Variants in NRP2 observed in about 807,000 individuals in gnomAD.
NRP2 encodes the protein neuropilin 2.
NRP2 carries 52 observed loss-of-function variants against 110.4 expected under a neutral mutation model. That is an observed-to-expected ratio of 0.47 (90% CI 0.38 to 0.59). The LOEUF is 0.59. Ranked by LOEUF, NRP2 falls within the 20% of genes least tolerant of loss-of-function variation. The pLI is 0.00. For synonymous variants in NRP2, 508 were observed against 468.9 expected (o/e 1.08, Z -1.08); for missense variants, 1,049 against 1,203.0 (o/e 0.87, Z 1.89).
chr2:205,796,165 CA>C lies in NRP2; in HGVS notation c.*1108del, dbSNP rs2058350163. The C allele has an allele frequency of 6.6e-6, 1 of 152,172 alleles. No homozygotes were observed. Among genetic ancestry groups the C allele is most frequent in the Admixed American group, 6.5e-5 (1 of 15,276 alleles). The allele number at this position is 152,172 out of a possible 1,614,324, so 9.4% of individuals were successfully genotyped here. A position where few individuals can be genotyped will look rare whatever the true frequency, so the allele number is the denominator to read the frequency against. On this transcript the variant is annotated 3_prime_UTR_variant, in exon 17 of 17. Coordinates refer to ENST00000357785, the MANE Select transcript of NRP2 (RefSeq NM_003872.3). ...GAAAGAGAAGCCCAACCTCTGTGATCATATGAGGGCCAAGGCTGAGCAGTGT... is the reference window on the plus strand; with the variant it reads ...GAAAGAGAAGCCCAACCTCTGTGATCTATGAGGGCCAAGGCTGAGCAGTGT...
At chr2:205,704,306 G>C (rs1042731663) in intron 2 of NRP2, among the ~76,000 whole-genome samples, 22 of 152,220 alleles carry the variant, frequency 1.4e-4, no homozygotes, top group African/African-American at 5.3e-4. Flanking sequence ...ACAAAGCATA[G>C]TGAGAATTCT....
chr2:205,683,489 G>C (rs955632043), intron 1 of NRP2, 126 bp downstream of exon 1: 31 of 735,748 alleles, frequency 4.2e-5, no homozygotes, highest in Admixed American at 6.3e-5. Flanking sequence ...AATTTAAAGA[G>C]AGATCCCAGC....
intron 10 of NRP2, among the ~76,000 whole-genome samples, chr2:205,749,007 G>A (rs1214107321): frequency 1.3e-5 from 2 of 152,222 alleles, no homozygotes; most frequent in African/African-American, 4.8e-5. Context: ...TTGCCAACAT[G>A]TAGAGTCTGG....
chr2:205,749,608 TC>T, intron 10 of NRP2, 116 bp from the exon 11 acceptor site: 2 of 818,320 alleles, frequency 2.4e-6, no homozygotes, highest in Non-Finnish European at 4.3e-6. Flanking sequence ...ACTTCAGAGT[TC>T]CGTGCACATG....
At chr2:205,766,585 C>T (rs911765556) in intron 14 of NRP2, among the ~76,000 whole-genome samples, 198 bp from the exon 15 acceptor site, 1 of 152,126 alleles carries the variant, frequency 6.6e-6, no homozygotes, top group South Asian at 2.1e-4. Context: ...CCCCCTCCTC[C>T]GCCATCACCA....
At chr2:205,700,922 A>T (rs536358621) in intron 2 of NRP2, 22 of 334,938 alleles carry the variant, frequency 6.6e-5, no homozygotes, top group South Asian at 5.0e-4. Flanking sequence ...TCCTGCAGCC[A>T]AAGGACAAAA....
chr2:205,697,407 G>A (rs748399560), intron 1 of NRP2, 137 bp from the exon 2 acceptor site: 1 of 835,906 alleles, frequency 1.2e-6, no homozygotes, highest in Admixed American at 1.7e-5. Context: ...GAGTAAGTAG[G>A]TTAGTCTTCT....
intron 15 of NRP2, among the ~76,000 whole-genome samples, chr2:205,790,669 G>A (rs1553601303): frequency 6.7e-6 from 1 of 149,186 alleles, no homozygotes; most frequent in Non-Finnish European, 1.5e-5. Flanking sequence ...TTTTCATATG[G>A]AAAAAAACCC....
Position 205,743,717 on chromosome 2 carries a change from G to A in NRP2, c.1641+165G>A. The A allele has an allele frequency of 3.0e-6, 4 of 1,336,526 alleles. No homozygotes were observed. In the South Asian group the frequency reaches 4.7e-5, roughly 16 times the overall value. The allele number at this position is 1,336,526 out of a possible 1,614,324, so 82.8% of individuals were successfully genotyped here. A position where few individuals can be genotyped will look rare whatever the true frequency, so the allele number is the denominator to read the frequency against. On this transcript the variant is annotated intron_variant, in intron 9 of 16. Transcript: ENST00000357785. ...GAGATTACTTTGTGCCAGGCACTGT[G>A]CTAAATACCTTATTTCTGACTCTTT...
At chr2:205,776,411 A>G in intron 15 of NRP2, 2 of 1,613,608 alleles carry the variant, frequency 1.2e-6, no homozygotes, top group East Asian at 2.2e-5. Flanking sequence ...TATGCGGCCA[A>G]GAAGACCGAT....
chr2:205,733,638 G>A (rs2057284486), intron 7 of NRP2, among the ~76,000 whole-genome samples: 1 of 152,092 alleles, frequency 6.6e-6, no homozygotes, highest in Non-Finnish European at 1.5e-5. Flanking sequence ...CCAAACATCT[G>A]TGTTAGGAGG....
chr2:205,682,642 A>C lies in NRP2; in HGVS notation c.-649A>C, dbSNP rs1035114154. 6.0e-6 allele frequency: 1 copy of C among 166,634 alleles called. No homozygotes were observed. The highest frequency in any genetic ancestry group is 2.4e-5 in the African/African-American group (1 of 41,626). 10.3% of individuals were successfully genotyped at this position (166,634 alleles called of 1,614,324 possible). A position where few individuals can be genotyped will look rare whatever the true frequency, so the allele number is the denominator to read the frequency against. On this transcript the variant is annotated 5_prime_UTR_variant, in exon 1 of 17. Coordinates refer to ENST00000357785, the MANE Select transcript of NRP2 (RefSeq NM_003872.3). The surrounding 1 kb of genome is among the most constrained non-coding windows in gnomAD (Gnocchi z 4.3). Reference sequence around the variant, plus strand: ...TCACTCCCAGGCGATCCCAGCCGCCACCGCCGCCGCACCAGCAGCAGCAAC... The same window carrying C: ...TCACTCCCAGGCGATCCCAGCCGCCCCCGCCGCCGCACCAGCAGCAGCAAC...
At position 205,795,179 on chromosome 2, in the gene NRP2, G is replaced by T; in HGVS notation, c.*121G>T. ...CTCGATCAAACCGATCCAGAATACC[G>T]AAGGTATGGACAGGACAGAAAAGCG... On this transcript the variant is annotated 3_prime_UTR_variant, in exon 17 of 17. Coordinates refer to ENST00000357785, the MANE Select transcript of NRP2 (RefSeq NM_003872.3). The T allele has an allele frequency of 2.9e-6, 3 of 1,017,130 alleles. No homozygotes were observed. Among genetic ancestry groups the T allele is most frequent in the Non-Finnish European group, 4.5e-6 (3 of 672,092 alleles). The allele number at this position is 1,017,130 out of a possible 1,614,324, so 63.0% of individuals were successfully genotyped here.
chr2:205,777,268 C>A, intron 15 of NRP2: 2 of 448,938 alleles, frequency 4.5e-6, no homozygotes, highest in Non-Finnish European at 5.9e-6. Flanking sequence ...ACCCACCTGA[C>A]CCAAGAGAAG....
rs559341033 is a variant in NRP2, at chr2:205,715,254, T to C, written c.252-939T>C. On this transcript the variant is annotated intron_variant, in intron 2 of 16. Coordinates refer to ENST00000357785, the MANE Select transcript of NRP2 (RefSeq NM_003872.3). ...GCTGGAAAATGTGTGTCTGTCAAGA[T>C]AAAATGGTGCATTATGTTTGCACCT... is the stretch of plus-strand genomic sequence containing the variant. 2.6e-5 allele frequency among the ~76,000 whole-genome samples: 4 copies of C among 152,214 alleles called. No homozygotes were observed. In the East Asian group the frequency reaches 5.8e-4, roughly 22 times the overall value.
intron 15 of NRP2, chr2:205,767,136 A>G: frequency 2.4e-6 from 1 of 417,032 alleles, no homozygotes; most frequent in Non-Finnish European, 4.4e-6. Context: ...GACTGTGGGA[A>G]GACTGAACCA....
intron 8 of NRP2, 96 bp downstream of exon 8, chr2:205,740,759 C>T: frequency 2.8e-6 from 4 of 1,428,192 alleles, no homozygotes; most frequent in Non-Finnish European, 3.9e-6. Flanking sequence ...CACCACATGA[C>T]CTTCCCAGAA....
At chr2:205,794,253 G>T (rs978778905) in intron 16 of NRP2, among the ~76,000 whole-genome samples, 2 of 152,152 alleles carry the variant, frequency 1.3e-5, no homozygotes, top group Non-Finnish European at 2.9e-5. Context: ...TGGGACTACA[G>T]GCGCCCGCCA....
intron 15 of NRP2, among the ~76,000 whole-genome samples, chr2:205,784,001 G>GACAAACACACACACACACACACACAC (rs2058207347): frequency 6.7e-6 from 1 of 148,652 alleles, no homozygotes; most frequent in South Asian, 2.2e-4. Flanking sequence ...ATCTCTCTCT[G>GACAAACACACACACACACACACACAC]ACACACACAC....
Sources: allele counts gnomAD v4.1 joint callset (sites outside exome capture counted in the v4.1 genomes callset), GRCh38; gene constraint gnomAD v4.1.1; non-coding constraint Gnocchi (gnomAD v3.1); transcripts MANE v1.5; gene names NCBI Gene and HGNC (gene_info 2026-07-23, HGNC 2026-07-21).